SKP2: variants seen among roughly 807,000 people sequenced by gnomAD.
SKP2 encodes the protein S-phase kinase associated protein 2, also known as S-phase kinase-associated protein 2.
A neutral mutation model predicts 51.8 loss-of-function variants in SKP2; 16 were observed. The observed-to-expected ratio is 0.31, with a 90% confidence interval of 0.21 to 0.47. SKP2 has a LOEUF of 0.47. SKP2 is among the 20% of genes least tolerant of loss of function. The pLI is 1.00. For missense variants in SKP2, 377 were observed against 505.3 expected (o/e 0.75, Z 2.43); for synonymous variants, 176 against 198.6 (o/e 0.89, Z 0.96).
At chr5:36,184,473 C>G (rs1253930452), downstream of SKP2, among the ~76,000 whole-genome samples, 1 of 152,086 alleles carries the variant, frequency 6.6e-6, no homozygotes, top group Non-Finnish European at 1.5e-5. Flanking sequence ...CAGGTGTTCT[C>G]GTTGTTCAAT....
chr5:36,186,825 C>T (rs573653083), downstream of SKP2, among the ~76,000 whole-genome samples: 11 of 152,286 alleles, frequency 7.2e-5, 1 homozygote, highest in South Asian at 2.1e-3. Context: ...ATGGTACCAG[C>T]TCCTCCTTGT....
Position 36,177,286 on chromosome 5 carries a change from C to T in SKP2, c.1055C>T (p.Thr352Ile). ...LSRCYDIIPETLLELGEIPTL... is the reference protein window; with the variant it reads ...LSRCYDIIPEILLELGEIPTL... ...CGGTGCTATGATATAATACCTGAAA[C>T]TTTACTGTAAGTATGTTTTGTTTTT... is the stretch of plus-strand genomic sequence containing the variant. Residue 352 changes from threonine to isoleucine, a missense_variant, in exon 9 of 10, where the codon ACT becomes ATT. Physicochemically the swap from Thr to Ile is moderately conservative, Grantham distance 89 (BLOSUM62 -1). Around this residue, in one of 2 missense-constraint regions of SKP2, gnomAD observed 262 missense variants for 389.8 expected, o/e 0.67. Coordinates refer to ENST00000274255, the MANE Select transcript of SKP2 (RefSeq NM_005983.4). 2 of 1,579,836 alleles carry T rather than the reference C, an allele frequency of 1.3e-6. No homozygotes were observed. The highest frequency in any genetic ancestry group is 1.7e-6 in the Non-Finnish European group (2 of 1,149,382).
chr5:36,181,971 G>C lies in SKP2; in HGVS notation c.1215G>C (p.Lys405Asn), dbSNP rs758896436. ...TIARPTIGNK[K>N]NQEIWGIKCR... Reference sequence around the variant, plus strand: ...CCAGGCCAACTATTGGCAACAAAAAGAACCAGGAGATATGGGGCATCAAAT... The same window carrying C: ...CCAGGCCAACTATTGGCAACAAAAACAACCAGGAGATATGGGGCATCAAAT... The change falls in exon 10 of 10, where the codon AAG becomes AAC. Residue 405 changes from lysine (K) to asparagine (N), a missense_variant. Lys to Asn is a moderately conservative substitution (Grantham distance 94). This residue lies in a region of SKP2 where 262 missense variants were observed against 389.8 expected (regional missense o/e 0.67). Transcript: ENST00000274255. 6.2e-7 allele frequency: 1 copy of C among 1,613,994 alleles called. No homozygotes were observed. The highest frequency in any genetic ancestry group is 1.3e-5 in the African/African-American group (1 of 74,900).
intron 4 of SKP2, among the ~76,000 whole-genome samples, chr5:36,167,711 G>A (rs751465727): frequency 6.6e-6 from 1 of 151,876 alleles, no homozygotes; most frequent in Non-Finnish European, 1.5e-5. Flanking sequence ...ACCTCTGCCT[G>A]CCAGGTTCAA....
At position 36,183,597 on chromosome 5, in the gene SKP2, A is replaced by G. The variant is rs1014949635; in HGVS notation, c.*1566A>G. The G allele has an allele frequency of 2.7e-6, 3 of 1,122,356 alleles. No individual in the cohort carries two copies. In the African/African-American group the frequency reaches 4.9e-5, roughly 18 times the overall value. The allele number at this position is 1,122,356 out of a possible 1,614,324, so 69.5% of individuals were successfully genotyped here. A position where few individuals can be genotyped will look rare whatever the true frequency, so the allele number is the denominator to read the frequency against. The stretch of plus-strand genomic sequence containing the variant: ...CTACTTCTTAAAAATCACAAAAACT[A>G]GTTTAAATTGATGACTTGTTCGTAT... On this transcript the variant is annotated 3_prime_UTR_variant, in exon 10 of 10. Coordinates refer to ENST00000274255, the MANE Select transcript of SKP2 (RefSeq NM_005983.4).
chr5:36,176,135 G>T (rs559547333), intron 7 of SKP2, among the ~76,000 whole-genome samples: 1 of 151,922 alleles, frequency 6.6e-6, no homozygotes, highest in South Asian at 2.1e-4. Flanking sequence ...TGGCTGAGAA[G>T]AAATATTTCT....
intron 2 of SKP2, among the ~76,000 whole-genome samples, chr5:36,161,843 C>T (rs142681932): frequency 6.6e-6 from 1 of 152,130 alleles, no homozygotes; most frequent in Non-Finnish European, 1.5e-5. Context: ...GAGAATATCA[C>T]CAGAATTGGT....
intron 9 of SKP2, among the ~76,000 whole-genome samples, 192 bp from the exon 10 acceptor site, chr5:36,181,626 T>C (rs1579578095): frequency 1.3e-5 from 2 of 152,232 alleles, no homozygotes; most frequent in Admixed American, 6.5e-5. Context: ...TGTTTCCTAA[T>C]GACATGTTGC....
chr5:36,190,226 CCTGCACCCACT>C, intron 6 of SKP2, among the ~76,000 whole-genome samples: 1 of 3,490 alleles, frequency 2.9e-4, no homozygotes, highest in Non-Finnish European at 3.7e-3. Context: ...CACCCACTGT[CCTGCACCCACT>C]GTCCGACACC....
intron 4 of SKP2, among the ~76,000 whole-genome samples, chr5:36,167,776 G>A (rs11738429): frequency 0.6 from 90,442 of 151,986 alleles, 33,759 homozygotes; most frequent in Non-Finnish European, 0.82. Flanking sequence ...GCGCCACCAC[G>A]CCCAACTAAT....
intron 9 of SKP2, chr5:36,180,290 G>A (rs780620744): frequency 3.0e-6 from 4 of 1,331,784 alleles, no homozygotes; most frequent in Non-Finnish European, 4.0e-6. Flanking sequence ...TGCTGTCATC[G>A]TAAGTGATTA....
intron 3 of SKP2, among the ~76,000 whole-genome samples, chr5:36,165,227 T>G (rs1392160788): frequency 4.6e-5 from 7 of 152,162 alleles, no homozygotes; most frequent in African/African-American, 1.7e-4. Flanking sequence ...GGGTCAGGAA[T>G]AGTAGGTTGA....
intron 7 of SKP2, among the ~76,000 whole-genome samples, chr5:36,175,039 C>T (rs1745588205): frequency 6.6e-6 from 1 of 152,102 alleles, no homozygotes; most frequent in Non-Finnish European, 1.5e-5. Flanking sequence ...TTAAAAGACT[C>T]ACGCTAGTGC....
Position 36,152,912 on chromosome 5 carries a change from C to T in SKP2, c.150C>T (p.Asn50=). The T allele has an allele frequency of 1.2e-6, 2 of 1,614,116 alleles. No homozygotes were observed. The highest frequency in any genetic ancestry group is 1.7e-6 in the Non-Finnish European group (2 of 1,180,024). The change falls in exon 2 of 10, where the codon AAC becomes AAT. Residue 50 remains asparagine (N), a synonymous_variant. Transcript: ENST00000274255. Reference sequence around the variant, plus strand: ...AGAAAGAGGAGCCCGACAGTGAGAACATCCCCCAGGAACTGCTCTCAAACC... The same window carrying T: ...AGAAAGAGGAGCCCGACAGTGAGAATATCCCCCAGGAACTGCTCTCAAACC... The part of the protein sequence containing the change: ...ALEKEEPDSE[N]IPQELLSNLG...
At chr5:36,173,428 G>A (rs886456189) in intron 7 of SKP2, among the ~76,000 whole-genome samples, 1 of 152,184 alleles carries the variant, frequency 6.6e-6, no homozygotes, top group African/African-American at 2.4e-5. Context: ...CATCCTCTTA[G>A]TGTGAAATCC....
chr5:36,166,509 T>C lies in SKP2; in HGVS notation c.393-10T>C, dbSNP rs1017901405. ...CCGACTGGCCAAATTAAGTATCTCCTCTTTTATAGGTCTGATGAGTCTCTA... is the reference window on the plus strand; with the variant it reads ...CCGACTGGCCAAATTAAGTATCTCCCCTTTTATAGGTCTGATGAGTCTCTA... On this transcript the variant is annotated splice_polypyrimidine_tract_variant and intron_variant, in intron 3 of 9. Transcript: ENST00000274255. 8 of 1,613,746 alleles carry C rather than the reference T, an allele frequency of 5.0e-6. No homozygotes were observed. Among genetic ancestry groups the C allele is most frequent in the African/African-American group, 2.7e-5 (2 of 74,924 alleles).
intron 9 of SKP2, among the ~76,000 whole-genome samples, chr5:36,181,413 C>A (rs1745806447): frequency 6.6e-6 from 1 of 152,160 alleles, no homozygotes; most frequent in African/African-American, 2.4e-5. Context: ...TTGCATGTAA[C>A]CTGTGGTGGT....
In SKP2 at chr5:36,183,809, G is replaced by A. The variant is rs764607483; in HGVS notation, c.*1778G>A. 4 of 1,560,054 alleles carry A rather than the reference G, an allele frequency of 2.6e-6. No homozygotes were observed. The highest frequency in any genetic ancestry group is 2.1e-5 in the Admixed American group (1 of 47,998). On this transcript the variant is annotated 3_prime_UTR_variant, in exon 10 of 10. Transcript: ENST00000274255. Reference sequence around the variant, plus strand: ...TTCAATTTCTTAATAGTTAAAAAGTGCTAAATACTACTTGAAATTATTGTT... The same window carrying A: ...TTCAATTTCTTAATAGTTAAAAAGTACTAAATACTACTTGAAATTATTGTT...
intron 6 of SKP2, 79 bp from the exon 7 acceptor site, chr5:36,171,524 T>C (rs560406925): frequency 1.1e-5 from 14 of 1,278,162 alleles, no homozygotes; most frequent in African/African-American, 1.5e-5. Context: ...GGTTTTATAT[T>C]TTCTTTGTTT....
Sources: allele counts gnomAD v4.1 joint callset (sites outside exome capture counted in the v4.1 genomes callset), GRCh38; gene constraint gnomAD v4.1.1; regional missense constraint gnomAD v4.1.1; transcripts MANE v1.5; gene names NCBI Gene and HGNC (gene_info 2026-07-23, HGNC 2026-07-21).